The following PLD5 variants were observed in gnomAD, a reference collection of about 807,000 sequenced individuals.
The protein encoded by PLD5 is inactive phospholipase D5.
A neutral mutation model predicts 61.1 loss-of-function variants in PLD5; 36 were observed. The ratio of observed to expected loss-of-function variants is 0.59; its 90% CI spans 0.45 to 0.78. The LOEUF (loss-of-function observed/expected upper bound fraction) is 0.78. Ranked by LOEUF, PLD5 falls within the 30% of genes least tolerant of loss-of-function variation. The pLI, the probability that PLD5 is intolerant of heterozygous loss-of-function variation, is 0.00. For missense variants in PLD5, 515 were observed against 644.4 expected, an observed-to-expected ratio of 0.80 and a Z score of 2.17; for synonymous variants, 243 against 242.8, an observed-to-expected ratio of 1.00 and a Z score of -0.01.
chr1:242,287,447 A>C (rs1675090916), intron 3 of PLD5, among the ~76,000 whole-genome samples: 1 of 152,200 alleles, frequency 6.6e-6, no homozygotes, highest in Non-Finnish European at 1.5e-5. Flanking sequence ...AACTCATTCC[A>C]TTCTTCTTTA....
intron 5 of PLD5, among the ~76,000 whole-genome samples, chr1:242,162,589 G>T (rs938409365): frequency 1.3e-4 from 20 of 152,168 alleles, no homozygotes; most frequent in African/African-American, 4.3e-4. Flanking sequence ...AAAAAAAATT[G>T]CCCAGGGTTG....
Position 242,522,503 on chromosome 1 carries a change from A to T in PLD5, c.189+1585T>A, listed in dbSNP as rs575276164. On this transcript the variant is annotated intron_variant, in intron 1 of 9. Coordinates refer to ENST00000536534, the MANE Select transcript of PLD5 (RefSeq NM_001372062.1). ...ATAGAAGGCTGCACCACTGATTTTC[A>T]GTAAGAGAATAAAGGAAATAGACCA... 5.8e-4 allele frequency among the ~76,000 whole-genome samples: 88 copies of T among 152,330 alleles called. 1 individual carries two copies. The highest frequency in any genetic ancestry group is 2.0e-3 in the African/African-American group (85 of 41,592).
chr1:242,381,330 TA>T (rs1320793530), intron 1 of PLD5, among the ~76,000 whole-genome samples: 6 of 151,978 alleles, frequency 3.9e-5, no homozygotes, highest in Non-Finnish European at 7.4e-5. Flanking sequence ...TTCTCACTTA[TA>T]AGTGGGAGCT....
intron 5 of PLD5, among the ~76,000 whole-genome samples, chr1:242,154,551 G>A (rs972384338): frequency 5.3e-5 from 8 of 152,082 alleles, no homozygotes; most frequent in African/African-American, 1.4e-4. Context: ...TTTTTAGCAC[G>A]AAGGGGTGTT....
intron 1 of PLD5, among the ~76,000 whole-genome samples, chr1:242,370,219 A>G (rs1157408684): frequency 6.6e-6 from 1 of 152,182 alleles, no homozygotes; most frequent in Non-Finnish European, 1.5e-5. Flanking sequence ...GAAGTAAATG[A>G]ACTTATTTAG....
intron 2 of PLD5, among the ~76,000 whole-genome samples, chr1:242,321,895 G>A (rs377058707): frequency 3.3e-5 from 5 of 152,180 alleles, no homozygotes; most frequent in South Asian, 4.1e-4. Context: ...TCACCCCTAC[G>A]CAGTTGTGTA....
rs147702765 is a variant in PLD5, at chr1:242,252,965, C to T, written c.607+12372G>A. ...CCGAGTAGCTGGGATTACAGGTGCA[C>T]ACCACCAAGCCCGGCTAATTTTTGT... On this transcript the variant is annotated intron_variant, in intron 4 of 9. Coordinates refer to ENST00000536534, the MANE Select transcript of PLD5 (RefSeq NM_001372062.1). Among the ~76,000 whole-genome samples, 381 of 151,228 alleles carry T rather than the reference C, an allele frequency of 2.5e-3. 6 individuals carry two copies. The East Asian group carries it at 0.055, about 22-fold the overall frequency.
chr1:242,206,234 G>T (rs1669304466), intron 5 of PLD5, among the ~76,000 whole-genome samples: 1 of 152,126 alleles, frequency 6.6e-6, no homozygotes, highest in Non-Finnish European at 1.5e-5. Flanking sequence ...TGACAATATG[G>T]CTCTTCTCTC....
intron 1 of PLD5, among the ~76,000 whole-genome samples, chr1:242,441,984 T>A (rs917152609): frequency 2.0e-5 from 3 of 152,232 alleles, no homozygotes; most frequent in African/African-American, 7.2e-5. Context: ...TTCCAGTACA[T>A]TGAGTAGCTC....
intron 5 of PLD5, among the ~76,000 whole-genome samples, chr1:242,188,392 CA>C (rs892284683): frequency 2.0e-5 from 3 of 152,038 alleles, no homozygotes; most frequent in Non-Finnish European, 4.4e-5. Context: ...TTTGTGTCTG[CA>C]AATCAAATAT....
intron 1 of PLD5, among the ~76,000 whole-genome samples, chr1:242,402,058 C>A (rs1219350996): frequency 6.6e-6 from 1 of 152,208 alleles, no homozygotes; most frequent in Non-Finnish European, 1.5e-5. Context: ...TCTTCCAAGG[C>A]CTTAGCACTC....
chr1:242,376,611 A>G (rs1661974965), intron 1 of PLD5, among the ~76,000 whole-genome samples: 1 of 152,230 alleles, frequency 6.6e-6, no homozygotes, highest in African/African-American at 2.4e-5. Context: ...TTTTAAAGAA[A>G]CAGTACAAAA....
chr1:242,165,851 A>C (rs1253672510), intron 5 of PLD5, among the ~76,000 whole-genome samples: 1 of 152,026 alleles, frequency 6.6e-6, no homozygotes, highest in African/African-American at 2.4e-5. Context: ...CTTTAAATGG[A>C]CCATTCAGGC....
chr1:242,429,556 C>A (rs1189707538), intron 1 of PLD5, among the ~76,000 whole-genome samples: 1 of 152,206 alleles, frequency 6.6e-6, no homozygotes. Context: ...CTTGGAAATG[C>A]TCTTTATGCA....
chr1:242,395,051 G>T (rs1217602049), intron 1 of PLD5, among the ~76,000 whole-genome samples: 2 of 102,198 alleles, frequency 2.0e-5, no homozygotes, highest in African/African-American at 4.3e-5. Context: ...ATGTATATAT[G>T]AATATATATG....
In PLD5 at chr1:242,117,553, T is replaced by G. The variant is rs564737429; in HGVS notation, c.934-3527A>C. On this transcript the variant is annotated intron_variant, in intron 6 of 9. Coordinates refer to ENST00000536534, the MANE Select transcript of PLD5 (RefSeq NM_001372062.1). The stretch of plus-strand genomic sequence containing the variant: ...CCCGCCACTACACCTGGCTAATTTT[T>G]GTATTTTAGTAGAGACGGGGTTTCA... 1.5e-4 allele frequency among the ~76,000 whole-genome samples: 23 copies of G among 152,234 alleles called. No homozygotes were observed. In the East Asian group the frequency reaches 4.5e-3, roughly 29 times the overall value.
At chr1:242,453,607 C>G (rs1666855304) in intron 1 of PLD5, among the ~76,000 whole-genome samples, 1 of 152,136 alleles carries the variant, frequency 6.6e-6, no homozygotes, top group South Asian at 2.1e-4. Flanking sequence ...AAAAGTGTAC[C>G]TGCCATTCCA....
chr1:242,154,882 C>T (rs1574408572), intron 5 of PLD5, among the ~76,000 whole-genome samples: 1 of 152,132 alleles, frequency 6.6e-6, no homozygotes, highest in African/African-American at 2.4e-5. Flanking sequence ...GGAGGATTCC[C>T]TCTTTTTCTA....
chr1:242,371,640 A>G (rs1265358453), intron 1 of PLD5, among the ~76,000 whole-genome samples: 1 of 152,012 alleles, frequency 6.6e-6, no homozygotes, highest in Non-Finnish European at 1.5e-5. Flanking sequence ...CCTGACACCC[A>G]AACCTCCTCT....
Sources: gnomAD v4.1 joint callset for allele counts (sites outside exome capture counted in the v4.1 genomes callset) on GRCh38, gnomAD v4.1.1 for gene constraint, MANE v1.5 for transcripts, NCBI Gene and HGNC (gene_info 2026-07-23, HGNC 2026-07-21) for gene names.